RASA3: variants seen among roughly 807,000 people sequenced by gnomAD.
RASA3 encodes ras GTPase-activating protein 3.
RASA3 carries 73 observed loss-of-function variants against 110.0 expected under a neutral mutation model. The observed-to-expected ratio is 0.66, with a 90% confidence interval of 0.55 to 0.81. The LOEUF (loss-of-function observed/expected upper bound fraction) is 0.81, where lower values mean the gene tolerates loss of function less well. RASA3 is among the 30% of genes least tolerant of loss of function. The pLI, the probability that RASA3 is intolerant of heterozygous loss-of-function variation, is 0.00. For synonymous variants in RASA3, 500 were observed against 451.4 expected (o/e 1.11, Z -1.37); for missense variants, 976 against 1,113.2 (o/e 0.88, Z 1.75).
rs1270335726 is a variant in RASA3 at position 113,995,725 on chromosome 13, T to TG, written c.2141+805dup. Among the ~76,000 whole-genome samples the TG allele has an allele frequency of 4.4e-4, 11 of 24,766 alleles. 2 individuals are homozygous for TG. Among genetic ancestry groups the TG allele is most frequent in the Non-Finnish European group, 6.3e-4 (10 of 15,768 alleles). 16.2% of individuals were successfully genotyped at this position (24,766 alleles called of 152,430 possible). On this transcript the variant is annotated intron_variant, in intron 21 of 23. Transcript: ENST00000334062. ...GCTGGCTGACGGAGGACCCAGCTGA[T>TG]GGGGGGCCCGGCTGACGGGGGCCCG...
At chr13:114,105,546 C>T (rs943265292) in intron 1 of RASA3, among the ~76,000 whole-genome samples, 2 of 152,212 alleles carry the variant, frequency 1.3e-5, no homozygotes, top group East Asian at 1.9e-4. Flanking sequence ...CAGGGACCAC[C>T]GGCATCGAAG....
At chr13:114,005,059 G>C (rs1197568775) in intron 18 of RASA3, among the ~76,000 whole-genome samples, 1 of 152,228 alleles carries the variant, frequency 6.6e-6, no homozygotes, top group Non-Finnish European at 1.5e-5. Flanking sequence ...GTCCATAGGA[G>C]ATAAACACGG....
chr13:114,066,135 G>GCACGTGAGGCTCTTTCCTC, intron 2 of RASA3, among the ~76,000 whole-genome samples: 1 of 151,810 alleles, frequency 6.6e-6, no homozygotes, highest in South Asian at 2.1e-4. Flanking sequence ...CGCCTCTCCT[G>GCACGTGAGGCTCTTTCCTC]CACATGAGGC....
intron 1 of RASA3, among the ~76,000 whole-genome samples, chr13:114,090,440 G>C (rs2139709736): frequency 6.6e-6 from 1 of 152,340 alleles, no homozygotes; most frequent in Middle Eastern, 3.4e-3. Flanking sequence ...TGTAAGACCA[G>C]ACAGATGAAG....
rs2052822829 is a variant in RASA3, at chr13:113,978,218, T to G, written c.*1129A>C. ...AAAACAGCAGCCCCCGCCCCTGCCCTGCACAGCATCTGGGGGTTCATAACA... is the reference window on the plus strand; with the variant it reads ...AAAACAGCAGCCCCCGCCCCTGCCCGGCACAGCATCTGGGGGTTCATAACA... On this transcript the variant is annotated 3_prime_UTR_variant, in exon 24 of 24. Transcript: ENST00000334062. 6.6e-6 allele frequency: 1 copy of G among 152,262 alleles called. No individual in the cohort carries two copies. The highest frequency in any genetic ancestry group is 6.5e-5 in the Admixed American group (1 of 15,272). The allele number at this position is 152,262 out of a possible 1,614,324, so 9.4% of individuals were successfully genotyped here. A position where few individuals can be genotyped will look rare whatever the true frequency, so the allele number is the denominator to read the frequency against.
At chr13:114,031,351 T>C (rs1192797941) in intron 4 of RASA3, among the ~76,000 whole-genome samples, 1 of 151,282 alleles carries the variant, frequency 6.6e-6, no homozygotes, top group Non-Finnish European at 1.5e-5. Flanking sequence ...GTGTGTGTCC[T>C]TCTGTGTGTG....
rs146943426 is a variant in RASA3, at chr13:114,024,338, G to A, written c.621C>T (p.Ser207=). The A allele has an allele frequency of 1.7e-5, 27 of 1,613,768 alleles. No homozygotes were observed. The African/African-American group carries it at 3.6e-4, about 22-fold the overall frequency. The change falls in exon 8 of 24, where the codon AGC becomes AGT. Residue 207 remains serine, a synonymous_variant. Coordinates refer to ENST00000334062, the MANE Select transcript of RASA3 (RefSeq NM_007368.4). The part of the protein sequence containing the change: ...VFYFEVTRPC[S]YSKKSHFDFE... Reference sequence around the variant, plus strand: ...AGTCAAAGTGGGACTTCTTGCTGTAGCTACAGGGCCGGGTCACCTGGAGTC... The same window carrying A: ...AGTCAAAGTGGGACTTCTTGCTGTAACTACAGGGCCGGGTCACCTGGAGTC...
At chr13:114,132,253 C>G (rs1016158926) in intron 1 of RASA3, among the ~76,000 whole-genome samples, 182 bp downstream of exon 1, 1 of 151,964 alleles carries the variant, frequency 6.6e-6, no homozygotes, top group African/African-American at 2.4e-5. Flanking sequence ...GCCCGAGGCC[C>G]GGGGAGGCGG....
chr13:114,034,675 G>C (rs2054246694), intron 4 of RASA3, among the ~76,000 whole-genome samples: 2 of 152,252 alleles, frequency 1.3e-5, no homozygotes, highest in African/African-American at 2.4e-5. Flanking sequence ...GCAGGTGCTG[G>C]CGCAGGCTGG....
At position 113,978,942 on chromosome 13, in the gene RASA3, G is replaced by C; in HGVS notation, c.*405C>G. 2 of 235,166 alleles carry C rather than the reference G, an allele frequency of 8.5e-6. No individual in the cohort carries two copies. The highest frequency in any genetic ancestry group is 8.5e-6 in the Non-Finnish European group (1 of 118,212). The allele number at this position is 235,166 out of a possible 1,614,324, so 14.6% of individuals were successfully genotyped here. A position where few individuals can be genotyped will look rare whatever the true frequency, so the allele number is the denominator to read the frequency against. The stretch of plus-strand genomic sequence containing the variant: ...CACAGAGCCCAGCGTCACACGCACC[G>C]TGCACGCAAGACAGACGTGCACGAG... On this transcript the variant is annotated 3_prime_UTR_variant, in exon 24 of 24. Transcript: ENST00000334062.
chr13:113,989,603 C>T (rs1449325955), intron 22 of RASA3, among the ~76,000 whole-genome samples: 1 of 151,376 alleles, frequency 6.6e-6, no homozygotes, highest in Non-Finnish European at 1.5e-5. Context: ...CCAGTCCATC[C>T]TCTCATCACT....
chr13:113,994,144 T>C (rs2053182927), intron 21 of RASA3, among the ~76,000 whole-genome samples: 1 of 152,254 alleles, frequency 6.6e-6, no homozygotes, highest in Non-Finnish European at 1.5e-5. Context: ...CTTATTTTTG[T>C]TTGAAGTATG....
In RASA3 at chr13:114,005,846, C is replaced by T. The variant is rs1227666834; in HGVS notation, c.1742+1687G>A. 6.6e-4 allele frequency among the ~76,000 whole-genome samples: 65 copies of T among 97,898 alleles called. 1 individual carries two copies. The highest frequency in any genetic ancestry group is 1.6e-3 in the African/African-American group (34 of 21,036). 64.2% of individuals were successfully genotyped at this position (97,898 alleles called of 152,430 possible). A position where few individuals can be genotyped will look rare whatever the true frequency, so the allele number is the denominator to read the frequency against. On this transcript the variant is annotated intron_variant, in intron 18 of 23. Coordinates refer to ENST00000334062, the MANE Select transcript of RASA3 (RefSeq NM_007368.4). ...CTGCCCTGCCGGACGCCACCTTACCCTTCTCCCCTCCTGCCCTGCCGGACA... is the reference window on the plus strand; with the variant it reads ...CTGCCCTGCCGGACGCCACCTTACCTTTCTCCCCTCCTGCCCTGCCGGACA...
chr13:114,034,883 G>A (rs1594361765), intron 4 of RASA3, among the ~76,000 whole-genome samples: 1 of 152,262 alleles, frequency 6.6e-6, no homozygotes, highest in African/African-American at 2.4e-5. Context: ...GAGCAGAAGG[G>A]AGATCTGAAC....
intron 7 of RASA3, among the ~76,000 whole-genome samples, chr13:114,026,577 G>A (rs1355342360): frequency 2.0e-5 from 3 of 152,296 alleles, no homozygotes; most frequent in East Asian, 3.9e-4. Context: ...CCCACTGACC[G>A]GTAGGTCCAC....
chr13:114,126,636 C>T (rs1253776964), intron 1 of RASA3, among the ~76,000 whole-genome samples: 1 of 152,220 alleles, frequency 6.6e-6, no homozygotes, highest in Non-Finnish European at 1.5e-5. Context: ...TAAAGTGTAG[C>T]TCTTTTTCAA....
intron 3 of RASA3, among the ~76,000 whole-genome samples, chr13:114,041,316 C>T (rs1174977553): frequency 6.6e-6 from 1 of 152,228 alleles, no homozygotes; most frequent in Non-Finnish European, 1.5e-5. Flanking sequence ...GAAAACTTGT[C>T]TCTACAAAAA....
At chr13:113,997,223 G>A (rs2053276841) in intron 20 of RASA3, among the ~76,000 whole-genome samples, 1 of 152,204 alleles carries the variant, frequency 6.6e-6, no homozygotes, top group African/African-American at 2.4e-5. Context: ...CCTCCCAGCT[G>A]GGGTTAGGGG....
intron 23 of RASA3, 95 bp from the exon 24 acceptor site, chr13:113,979,517 ACACT>A: frequency 1.0e-6 from 1 of 968,348 alleles, no homozygotes; most frequent in South Asian, 1.3e-5. Context: ...TAAATGTGAC[ACACT>A]CACACTGCAA....
Sources: allele counts gnomAD v4.1 joint callset (sites outside exome capture counted in the v4.1 genomes callset), GRCh38; gene constraint gnomAD v4.1.1; transcripts MANE v1.5; gene names NCBI Gene and HGNC (gene_info 2026-07-23, HGNC 2026-07-21).